PHYKPL: variants seen among roughly 807,000 people sequenced by gnomAD.
The protein encoded by PHYKPL is 5-phosphonooxy-L-lysine phospho-lyase.
In PHYKPL, 42 loss-of-function variants were observed where a neutral mutation model predicts 51.3. That is an observed-to-expected ratio of 0.82 (90% CI 0.64 to 1.06). The LOEUF is 1.06. Among genes scored for constraint, PHYKPL ranks in the 50% least tolerant of loss-of-function variants. The probability of loss-of-function intolerance (pLI) is 0.00; values close to 1 mark genes in which losing one functional copy is unlikely to be tolerated. For synonymous variants in PHYKPL, 264 were observed against 236.0 expected, an observed-to-expected ratio of 1.12 and a Z score of -1.09; for missense variants, 655 against 586.6, an observed-to-expected ratio of 1.12 and a Z score of -1.20.
intron 2 of PHYKPL, chr5:178,230,357 G>T (rs962747946): frequency 2.3e-6 from 1 of 442,262 alleles, no homozygotes. Context: ...CTTTAAGGAG[G>T]ACTTTTTTTT....
intron 1 of PHYKPL, chr5:178,231,916 C>G (rs1488480494): frequency 7.7e-7 from 1 of 1,291,162 alleles, no homozygotes; most frequent in African/African-American, 1.5e-5. Context: ...GGCTCTCAGC[C>G]CTAAACAGCT....
At chr5:178,212,443 G>A (rs1044918631) in intron 11 of PHYKPL, among the ~76,000 whole-genome samples, 6 of 152,252 alleles carry the variant, frequency 3.9e-5, no homozygotes, top group African/African-American at 1.4e-4. Context: ...ACACAGCCAT[G>A]AGATTTCCTT....
At position 178,228,729 on chromosome 5, in the gene PHYKPL, A is replaced by G. The variant is rs191165679; in HGVS notation, c.338+1211T>C. The G allele has an allele frequency of 1.6e-4, 106 of 660,132 alleles. 1 individual carries two copies. The Admixed American group carries it at 2.3e-3, about 14-fold the overall frequency. 40.9% of individuals were successfully genotyped at this position (660,132 alleles called of 1,614,324 possible). ...TTTGTTGGAATGTTCTCTCCCAGAT[A>G]CACTGTAATCGCCTGCCTGTTTGTC... On this transcript the variant is annotated intron_variant, in intron 3 of 12. Coordinates refer to ENST00000308158, the MANE Select transcript of PHYKPL (RefSeq NM_153373.4).
At chr5:178,215,516 C>G in intron 8 of PHYKPL, 86 bp from the exon 9 acceptor site, 1 of 1,478,954 alleles carries the variant, frequency 6.8e-7, no homozygotes, top group Non-Finnish European at 9.1e-7. Flanking sequence ...AACTGCCACA[C>G]GTGTTCCAAG....
chr5:178,224,586 T>C (rs1338445192), intron 5 of PHYKPL, 22 bp from the exon 6 acceptor site: 3 of 1,613,944 alleles, frequency 1.9e-6, no homozygotes, highest in South Asian at 2.2e-5. Context: ...GACAGCGCCA[T>C]GTTATCCGGG....
intron 1 of PHYKPL, chr5:178,231,748 G>A (rs1763478524): frequency 2.6e-6 from 4 of 1,510,496 alleles, no homozygotes; most frequent in Admixed American, 2.0e-5. Context: ...GATTGTTTCT[G>A]AAAGCATTTT....
At chr5:178,212,680 C>G (rs1216869184) in intron 11 of PHYKPL, among the ~76,000 whole-genome samples, 1 of 152,232 alleles carries the variant, frequency 6.6e-6, no homozygotes, top group East Asian at 1.9e-4. Flanking sequence ...TTCTTATGGC[C>G]TGTTTCTCAG....
In PHYKPL at chr5:178,232,178, C is replaced by T. The variant is rs868867978; in HGVS notation, c.59+314G>A. 1.2e-4 allele frequency: 149 copies of T among 1,228,716 alleles called. No individual in the cohort carries two copies. The African/African-American group carries it at 2.2e-3, about 18-fold the overall frequency. The allele number at this position is 1,228,716 out of a possible 1,614,324, so 76.1% of individuals were successfully genotyped here. A position where few individuals can be genotyped will look rare whatever the true frequency, so the allele number is the denominator to read the frequency against. On this transcript the variant is annotated intron_variant, in intron 1 of 12. Coordinates refer to ENST00000308158, the MANE Select transcript of PHYKPL (RefSeq NM_153373.4). ...CAGGCGCCAGGGTGAAGGTCTTCTCCGGAGTAAAGGCTGCCAAGCGAGGCT... is the reference window on the plus strand; with the variant it reads ...CAGGCGCCAGGGTGAAGGTCTTCTCTGGAGTAAAGGCTGCCAAGCGAGGCT...
At chr5:178,220,728 A>AC (rs200075262) in intron 8 of PHYKPL, among the ~76,000 whole-genome samples, 1,377 of 71,776 alleles carry the variant, frequency 0.019, 28 homozygotes, top group African/African-American at 0.085. Flanking sequence ...TTGCAAAAAA[A>AC]AAAAAAAAAC....
At chr5:178,211,616 C>T (rs1863991) in intron 12 of PHYKPL, 200 of 392,994 alleles carry the variant, frequency 5.1e-4, no homozygotes, top group Non-Finnish European at 8.3e-4. Context: ...GTATTTAGGG[C>T]ATAAGACTAG....
intron 1 of PHYKPL, 93 bp from the exon 2 acceptor site, chr5:178,231,616 T>A: frequency 6.3e-7 from 1 of 1,592,818 alleles, no homozygotes; most frequent in South Asian, 1.1e-5. Context: ...CTTCCCAGTT[T>A]CTGGTGGCGG....
chr5:178,210,683 A>C, intron 12 of PHYKPL: 1 of 1,292,888 alleles, frequency 7.7e-7, no homozygotes, highest in East Asian at 2.3e-5. Context: ...TGGAGTGAAC[A>C]CAATTATGTA....
intron 8 of PHYKPL, among the ~76,000 whole-genome samples, chr5:178,221,543 A>G (rs921555282): frequency 7.9e-5 from 12 of 152,156 alleles, no homozygotes; most frequent in African/African-American, 2.2e-4. Context: ...TGAATGCACC[A>G]AAGTGTCACT....
intron 4 of PHYKPL, 125 bp from the exon 5 acceptor site, chr5:178,224,854 A>C: frequency 1.4e-6 from 1 of 694,346 alleles, no homozygotes; most frequent in Non-Finnish European, 2.4e-6. Flanking sequence ...AGAGCCCCCA[A>C]GTTCTTGGGC....
chr5:178,228,114 TGGGACA>T (rs1273924463), intron 3 of PHYKPL: 2 of 185,114 alleles, frequency 1.1e-5, no homozygotes, highest in South Asian at 1.2e-4. Context: ...TTGGAACACA[TGGGACA>T]TGTCTGGGCT....
At chr5:178,223,652 G>C (rs956213612) in intron 6 of PHYKPL, 3 of 355,686 alleles carry the variant, frequency 8.4e-6, no homozygotes, top group Non-Finnish European at 1.7e-5. Flanking sequence ...GGCTCCCCTG[G>C]TCGGGTTCTG....
chr5:178,222,645 G>C (rs896536001), intron 7 of PHYKPL, 65 bp from the exon 8 acceptor site: 8 of 1,553,384 alleles, frequency 5.2e-6, no homozygotes, highest in Non-Finnish European at 6.2e-6. Flanking sequence ...GGACCCAGGA[G>C]GTCTCGGGGC....
rs1240377149 is a variant in PHYKPL at position 178,232,532 on chromosome 5, G to T, written c.19C>A (p.Pro7Thr). The T allele has an allele frequency of 7.6e-7, 1 of 1,323,798 alleles. No individual in the cohort carries two copies. 82.0% of individuals were successfully genotyped at this position (1,323,798 alleles called of 1,614,324 possible). ...CTCAGGGCCAGCGTGTCGGCCTTCGGGCGCTGGTCTGCGGCCATGGTGGGT... is the reference window on the plus strand; with the variant it reads ...CTCAGGGCCAGCGTGTCGGCCTTCGTGCGCTGGTCTGCGGCCATGGTGGGT... MAADQR[P>T]KADTLALRQR... The change falls in exon 1 of 13, where the codon CCG (proline) becomes ACG (threonine). Residue 7 changes from proline to threonine, a missense_variant. Transcript: ENST00000308158.
chr5:178,210,611 C>T (rs76396243), intron 12 of PHYKPL: 6 of 1,612,502 alleles, frequency 3.7e-6, no homozygotes, highest in Non-Finnish European at 5.1e-6. Context: ...AGAATAACTA[C>T]AAGCCATACT....
Sources: gnomAD v4.1 joint callset for allele counts (sites outside exome capture counted in the v4.1 genomes callset) on GRCh38, gnomAD v4.1.1 for gene constraint, MANE v1.5 for transcripts, NCBI Gene and HGNC (gene_info 2026-07-23, HGNC 2026-07-21) for gene names.